Variants in IGSF5 observed in about 807,000 individuals in gnomAD.
The protein encoded by IGSF5 is immunoglobulin superfamily 5 like.
IGSF5 carries 41 observed loss-of-function variants against 39.4 expected under a neutral mutation model. The observed-to-expected ratio is 1.04, with a 90% CI of 0.81 to 1.35. The LOEUF is 1.35. Among genes scored for constraint, IGSF5 ranks in the 40% most tolerant of loss-of-function variants. The pLI is 0.00. For synonymous variants in IGSF5, 183 were observed against 175.3 expected, an observed-to-expected ratio of 1.04 and a Z score of -0.34; for missense variants, 487 against 494.6, an observed-to-expected ratio of 0.98 and a Z score of 0.15.
upstream of IGSF5, among the ~76,000 whole-genome samples, chr21:39,741,794 C>T (rs917209773): frequency 6.6e-6 from 1 of 152,088 alleles, no homozygotes; most frequent in Admixed American, 6.5e-5. Flanking sequence ...GGACTGTAAA[C>T]CACTCTGCTT....
the IGSF5 span, among the ~76,000 whole-genome samples, chr21:39,731,029 G>A: frequency 1.1e-4 from 16 of 152,186 alleles, no homozygotes; most frequent in African/African-American, 3.9e-4. Flanking sequence ...TCCTGACAAG[G>A]TCTCCTGTCC....
chr21:39,779,058 G>A (rs1569255630), intron 4 of IGSF5, 32 bp from the exon 5 acceptor site: 2 of 1,606,978 alleles, frequency 1.2e-6, no homozygotes, highest in Non-Finnish European at 1.7e-6. Context: ...GGCAGTGCAA[G>A]TATCACTAAA....
chr21:39,734,612 A>G, the IGSF5 span, among the ~76,000 whole-genome samples: 1 of 151,844 alleles, frequency 6.6e-6, no homozygotes, highest in African/African-American at 2.4e-5. Context: ...TAGCAATTGC[A>G]TTTTTCAGAA....
In IGSF5 at chr21:39,801,461, TTA is replaced by T. The variant is rs1450379618; in HGVS notation, c.*105_*106del. ...AGACTGGCCTGCAGCTTTGCCAACA[TTA>T]CCTGAAGAGGAGATGTCGGAGTCAT... On this transcript the variant is annotated 3_prime_UTR_variant, in exon 9 of 9. Coordinates refer to ENST00000380588, the MANE Select transcript of IGSF5 (RefSeq NM_001080444.2). 1.8e-5 allele frequency: 14 copies of T among 777,486 alleles called. No individual in the cohort carries two copies. The highest frequency in any genetic ancestry group is 6.5e-5 in the Admixed American group (3 of 46,006). 48.2% of individuals were successfully genotyped at this position (777,486 alleles called of 1,614,324 possible).
At chr21:39,745,155 T>TCATCTCTCTCTCTCTCTCTC (rs1227150715), upstream of IGSF5, among the ~76,000 whole-genome samples, 9 of 133,988 alleles carry the variant, frequency 6.7e-5, no homozygotes, top group Middle Eastern at 7.4e-3. Flanking sequence ...CTCTCTCTCT[T>TCATCTCTCTCTCTCTCTCTC]CATCTCTCTC....
At chr21:39,719,243 C>A in the IGSF5 span, among the ~76,000 whole-genome samples, 1 of 152,184 alleles carries the variant, frequency 6.6e-6, no homozygotes, top group Admixed American at 6.5e-5. Flanking sequence ...CTCAAGCAAT[C>A]CTCCTGCCTC....
chr21:39,793,502 T>C, intron 7 of IGSF5, 32 bp from the exon 8 acceptor site: 1 of 1,582,914 alleles, frequency 6.3e-7, no homozygotes, highest in Non-Finnish European at 8.7e-7. Context: ...TTTTTGCCAC[T>C]TAATGACTCT....
At chr21:39,735,797 C>T in the IGSF5 span, among the ~76,000 whole-genome samples, 1 of 152,118 alleles carries the variant, frequency 6.6e-6, no homozygotes, top group Non-Finnish European at 1.5e-5. Context: ...ATGACTTCTC[C>T]CCCAAAGTTC....
intron 2 of IGSF5, among the ~76,000 whole-genome samples, chr21:39,754,970 C>T (rs988513649): frequency 6.6e-6 from 1 of 152,140 alleles, no homozygotes; most frequent in Non-Finnish European, 1.5e-5. Flanking sequence ...TGTGATTCTG[C>T]TAGACTCCTC....
At chr21:39,732,853 C>T in the IGSF5 span, among the ~76,000 whole-genome samples, 508 of 152,064 alleles carry the variant, frequency 3.3e-3, no homozygotes, top group African/African-American at 0.012. Flanking sequence ...TGGTGAAACC[C>T]TGTCTCTACT....
At chr21:39,793,688 T>C in intron 8 of IGSF5, 75 bp downstream of exon 8, 1 of 1,183,044 alleles carries the variant, frequency 8.5e-7, no homozygotes, top group Non-Finnish European at 1.3e-6. Flanking sequence ...TGGGTGATTA[T>C]AAAATGGTGC....
intron 3 of IGSF5, among the ~76,000 whole-genome samples, chr21:39,768,365 C>T (rs2080097040): frequency 6.6e-6 from 1 of 152,214 alleles, no homozygotes; most frequent in African/African-American, 2.4e-5. Context: ...ATAGAGATGA[C>T]ATAACTCCAA....
At chr21:39,750,339 A>C (rs1270018168) in intron 2 of IGSF5, among the ~76,000 whole-genome samples, 1 of 152,012 alleles carries the variant, frequency 6.6e-6, no homozygotes, top group Non-Finnish European at 1.5e-5. Flanking sequence ...ATCAAAAAGG[A>C]CCATTAAAAA....
chr21:39,760,565 G>C (rs961665266), intron 2 of IGSF5, among the ~76,000 whole-genome samples: 1 of 140,502 alleles, frequency 7.1e-6, no homozygotes, highest in Non-Finnish European at 1.6e-5. Flanking sequence ...GTTGATGTGG[G>C]ACTAAGTCAG....
At chr21:39,781,191 T>G (rs77602750) in intron 5 of IGSF5, among the ~76,000 whole-genome samples, 6,699 of 83,282 alleles carry the variant, frequency 0.08, 510 homozygotes, top group African/African-American at 0.22. Context: ...ACGTGAATAT[T>G]TTCTTATATT....
rs750673207 is a variant in IGSF5, at chr21:39,765,769, A to G, written c.335A>G (p.Asn112Ser). 3.1e-6 allele frequency: 5 copies of G among 1,614,038 alleles called. No homozygotes were observed. The highest frequency in any genetic ancestry group is 4.2e-6 in the Non-Finnish European group (5 of 1,179,980). The change falls in exon 3 of 9, where the codon AAT (asparagine) becomes AGT (serine). Residue 112 changes from asparagine to serine, a missense_variant. Asn to Ser is a conservative substitution (Grantham distance 46). Transcript: ENST00000380588. ...GNFTSEMIIH[N>S]VEPSDSGNIR... ...TTCACCTCGGAGATGATCATCCACA[A>G]TGTGGAGCCCAGTGATTCGGGGAAC... is the stretch of plus-strand genomic sequence containing the variant.
At chr21:39,788,820 A>G (rs961701862) in intron 6 of IGSF5, among the ~76,000 whole-genome samples, 2 of 152,178 alleles carry the variant, frequency 1.3e-5, no homozygotes, top group Non-Finnish European at 2.9e-5. Context: ...CACCAAGGGG[A>G]GGGTTTTTTA....
chr21:39,731,373 G>A, the IGSF5 span, among the ~76,000 whole-genome samples: 1 of 152,180 alleles, frequency 6.6e-6, no homozygotes, highest in Non-Finnish European at 1.5e-5. Flanking sequence ...CCTTGGGTGT[G>A]GCTGTGGTAT....
chr21:39,746,116 G>A, intron 1 of IGSF5, 100 bp from the exon 2 acceptor site: 1 of 693,682 alleles, frequency 1.4e-6, no homozygotes, highest in South Asian at 1.5e-5. Context: ...AGTGACTAGT[G>A]TTTAGCTCGA....
Sources: gnomAD v4.1 joint callset for allele counts (sites outside exome capture counted in the v4.1 genomes callset) on GRCh38, gnomAD v4.1.1 for gene constraint, MANE v1.5 for transcripts, NCBI Gene and HGNC (gene_info 2026-07-23, HGNC 2026-07-21) for gene names.